Variants in CDH2 observed in about 807,000 individuals in gnomAD.
The protein encoded by CDH2 is cadherin 2, also known as cadherin-2.
CDH2 carries 17 observed loss-of-function variants against 92.0 expected under a neutral mutation model. That is an observed-to-expected ratio of 0.18 (90% CI 0.13 to 0.28). The LOEUF (loss-of-function observed/expected upper bound fraction) is 0.28. Among genes scored for constraint, CDH2 ranks in the 10% least tolerant of loss-of-function variants. The pLI, the probability that CDH2 is intolerant of heterozygous loss-of-function variation, is 1.00. For missense variants in CDH2, 862 were observed against 1,133.1 expected (o/e 0.76, Z 3.44); for synonymous variants, 419 against 415.9 (o/e 1.01, Z -0.09).
chr18:28,104,405 C>G (rs1033136304), intron 2 of CDH2, among the ~76,000 whole-genome samples: 1 of 151,902 alleles, frequency 6.6e-6, no homozygotes, highest in African/African-American at 2.4e-5. Context: ...GGATAACAAA[C>G]AGATATTTAA....
At chr18:28,164,142 A>T (rs1310973941) in intron 1 of CDH2, among the ~76,000 whole-genome samples, 2 of 152,210 alleles carry the variant, frequency 1.3e-5, no homozygotes, top group Non-Finnish European at 2.9e-5. Flanking sequence ...TATATATATA[A>T]AATACAAATG....
intron 2 of CDH2, among the ~76,000 whole-genome samples, chr18:28,090,513 C>T (rs1004242717): frequency 2.0e-5 from 3 of 152,116 alleles, no homozygotes; most frequent in African/African-American, 7.2e-5. Flanking sequence ...CTTCTTCCCC[C>T]CAGGCAGCGT....
intron 2 of CDH2, among the ~76,000 whole-genome samples, chr18:28,081,785 A>G (rs1156987776): frequency 6.6e-6 from 1 of 152,230 alleles, no homozygotes; most frequent in African/African-American, 2.4e-5. Flanking sequence ...TTTAACGGTT[A>G]GCCCAGAGGC....
At chr18:28,068,297 A>G (rs2014548962) in intron 2 of CDH2, among the ~76,000 whole-genome samples, 1 of 152,240 alleles carries the variant, frequency 6.6e-6, no homozygotes, top group African/African-American at 2.4e-5. Context: ...CAGAGCTGCT[A>G]GTTATAAGGT....
At chr18:28,149,170 T>G (rs1282802921) in intron 1 of CDH2, among the ~76,000 whole-genome samples, 1 of 152,188 alleles carries the variant, frequency 6.6e-6, no homozygotes, top group African/African-American at 2.4e-5. Flanking sequence ...AATGTGGATA[T>G]ATCCTCCATA....
chr18:28,032,823 A>G (rs1355849999), intron 2 of CDH2, among the ~76,000 whole-genome samples: 1 of 152,030 alleles, frequency 6.6e-6, no homozygotes, highest in Non-Finnish European at 1.5e-5. Flanking sequence ...TTTTAGCACC[A>G]AGGGAAATTT....
chr18:28,176,297 C>G (rs1251630032), intron 1 of CDH2, among the ~76,000 whole-genome samples: 1 of 152,148 alleles, frequency 6.6e-6, no homozygotes, highest in Non-Finnish European at 1.5e-5. Context: ...AGGCCAGACT[C>G]GTTCTACAGG....
At chr18:28,028,515 A>T (rs1274752564) in intron 2 of CDH2, among the ~76,000 whole-genome samples, 2 of 152,172 alleles carry the variant, frequency 1.3e-5, no homozygotes, top group African/African-American at 4.8e-5. Flanking sequence ...CTAAATACTT[A>T]ATACAATTTA....
intron 2 of CDH2, among the ~76,000 whole-genome samples, chr18:28,015,102 T>G (rs2013206436): frequency 6.6e-6 from 1 of 152,156 alleles, no homozygotes; most frequent in Admixed American, 6.6e-5. Context: ...AGTAAAGTGT[T>G]TATGAACCCT....
At chr18:27,935,745 C>A (rs556933212) in intron 6 of CDH2, among the ~76,000 whole-genome samples, 6 of 152,248 alleles carry the variant, frequency 3.9e-5, no homozygotes, top group Non-Finnish European at 2.9e-5. Flanking sequence ...TGGTGCTTGG[C>A]ACACAACAGA....
chr18:28,162,788 C>CA (rs1289093532), intron 1 of CDH2, among the ~76,000 whole-genome samples: 1 of 152,188 alleles, frequency 6.6e-6, no homozygotes, highest in Non-Finnish European at 1.5e-5. Flanking sequence ...AGTGTGCCTT[C>CA]AGGTGAGTGG....
intron 2 of CDH2, among the ~76,000 whole-genome samples, chr18:28,115,918 C>T (rs2015489258): frequency 6.6e-6 from 1 of 152,074 alleles, no homozygotes; most frequent in Non-Finnish European, 1.5e-5. Context: ...CCACGTTATT[C>T]TTTCTTGGAA....
At chr18:27,946,605 T>C (rs1909273467), downstream of CDH2, among the ~76,000 whole-genome samples, 1 of 152,046 alleles carries the variant, frequency 6.6e-6, no homozygotes, top group African/African-American at 2.4e-5. Flanking sequence ...TTGTGATGTA[T>C]ATAATCCAGA....
chr18:28,033,159 G>C (rs1045836852), intron 2 of CDH2, among the ~76,000 whole-genome samples: 5 of 152,066 alleles, frequency 3.3e-5, no homozygotes, highest in African/African-American at 1.2e-4. Flanking sequence ...ATGGACGCCA[G>C]GCAGTGATGG....
chr18:28,169,848 GCTTA>G (rs752062514), intron 1 of CDH2, among the ~76,000 whole-genome samples: 40 of 152,154 alleles, frequency 2.6e-4, no homozygotes, highest in Admixed American at 2.6e-3. Flanking sequence ...AAGTTAAACT[GCTTA>G]CTTAATCAAG....
chr18:27,985,567 C>G lies in CDH2; in HGVS notation c.1936G>C (p.Val646Leu), dbSNP rs751295637. 2.7e-5 allele frequency: 43 copies of G among 1,613,172 alleles called. No homozygotes were observed. The highest frequency in any genetic ancestry group is 3.6e-5 in the Non-Finnish European group (43 of 1,179,208). ...ATGGTCCAATTTCTCTTAATAGTCA[C>G]TGGAGATAAAGGAAGATCAAAAGCA... ...PFAFDLPLSP[V>L]TIKRNWTITR... Residue 646 changes from valine to leucine, a missense_variant, in exon 12 of 16, where the codon GTG becomes CTG. Transcript: ENST00000269141.
intron 2 of CDH2, among the ~76,000 whole-genome samples, chr18:28,057,444 T>C (rs1014399911): frequency 6.6e-6 from 1 of 151,662 alleles, no homozygotes; most frequent in Non-Finnish European, 1.5e-5. Flanking sequence ...GGTGGGCGGA[T>C]CACTCAGGGT....
intron 2 of CDH2, among the ~76,000 whole-genome samples, chr18:28,108,219 G>A (rs1368114758): frequency 6.6e-6 from 1 of 152,080 alleles, no homozygotes; most frequent in Non-Finnish European, 1.5e-5. Context: ...CATTTGCTTT[G>A]GATCAGGATT....
intron 15 of CDH2, among the ~76,000 whole-genome samples, chr18:27,953,910 A>G (rs1271514283): frequency 6.6e-6 from 1 of 152,128 alleles, no homozygotes; most frequent in African/African-American, 2.4e-5. Flanking sequence ...CTGCCTTGGG[A>G]TTTGAAAAAA....
Sources: gnomAD v4.1 joint callset for allele counts (sites outside exome capture counted in the v4.1 genomes callset) on GRCh38, gnomAD v4.1.1 for gene constraint, MANE v1.5 for transcripts, NCBI Gene and HGNC (gene_info 2026-07-23, HGNC 2026-07-21) for gene names.